JAZF1: variants seen among roughly 807,000 people sequenced by gnomAD.
JAZF1 encodes the protein juxtaposed with another zinc finger protein 1.
JAZF1 carries 8 observed loss-of-function variants against 26.4 expected under a neutral mutation model. The observed-to-expected ratio is 0.30, with a 90% CI of 0.18 to 0.55. The LOEUF is 0.55. JAZF1 is among the 20% of genes least tolerant of loss of function. JAZF1 has a pLI of 0.94. For missense variants in JAZF1, 199 were observed against 322.0 expected (o/e 0.62, Z 2.92); for synonymous variants, 126 against 122.3 (o/e 1.03, Z -0.20).
chr7:27,977,459 A>G (rs1785498071), intron 2 of JAZF1, among the ~76,000 whole-genome samples: 1 of 152,126 alleles, frequency 6.6e-6, no homozygotes, highest in Non-Finnish European at 1.5e-5. Context: ...CAAAGTCCTT[A>G]TTTCTAATTT....
chr7:27,873,206 C>A (rs1783616443), intron 3 of JAZF1, among the ~76,000 whole-genome samples: 4 of 152,282 alleles, frequency 2.6e-5, no homozygotes, highest in Admixed American at 2.6e-4. Context: ...TACTTCCACC[C>A]AGGCTAATGA....
At chr7:28,042,210 G>T (rs1783404617) in intron 1 of JAZF1, among the ~76,000 whole-genome samples, 1 of 152,250 alleles carries the variant, frequency 6.6e-6, no homozygotes, top group South Asian at 2.1e-4. Context: ...AAAGAGGCAA[G>T]GTGGAGTGTG....
intron 2 of JAZF1, among the ~76,000 whole-genome samples, chr7:27,924,309 C>A (rs1293905375): frequency 6.6e-6 from 1 of 152,158 alleles, no homozygotes; most frequent in African/African-American, 2.4e-5. Flanking sequence ...AACTCCTGAC[C>A]TCATGATCCA....
At chr7:28,128,166 G>A (rs1385727966) in intron 1 of JAZF1, among the ~76,000 whole-genome samples, 1 of 152,146 alleles carries the variant, frequency 6.6e-6, no homozygotes, top group African/African-American at 2.4e-5. Flanking sequence ...TATCTTCTAG[G>A]TCAGTGGTTC....
At chr7:27,962,002 TTACCTTATC>T (rs1253566344) in intron 2 of JAZF1, among the ~76,000 whole-genome samples, 3 of 152,190 alleles carry the variant, frequency 2.0e-5, no homozygotes, top group South Asian at 2.1e-4. Context: ...TTGAGCTCTG[TTACCTTATC>T]TATAAAATGA....
At chr7:27,955,171 A>G (rs776000871) in intron 2 of JAZF1, among the ~76,000 whole-genome samples, 2 of 152,228 alleles carry the variant, frequency 1.3e-5, no homozygotes, top group African/African-American at 2.4e-5. Flanking sequence ...AGTCTTTTAC[A>G]TGTTCAACAT....
chr7:28,012,906 G>C (rs1302748283), intron 1 of JAZF1, among the ~76,000 whole-genome samples: 2 of 152,182 alleles, frequency 1.3e-5, no homozygotes, highest in Non-Finnish European at 2.9e-5. Flanking sequence ...TTTGAAGAAA[G>C]TTTTGCAGAT....
chr7:28,096,801 A>T (rs894869920), intron 1 of JAZF1, among the ~76,000 whole-genome samples: 1 of 152,176 alleles, frequency 6.6e-6, no homozygotes, highest in Admixed American at 6.5e-5. Context: ...CTGACTGCAA[A>T]TGAAACACTG....
In JAZF1 at chr7:28,151,975, T is replaced by C. The variant is rs112759249; in HGVS notation, c.115+28488A>G. 2.4e-4 allele frequency among the ~76,000 whole-genome samples: 37 copies of C among 152,356 alleles called. 1 individual carries two copies. The highest frequency in any genetic ancestry group is 8.7e-4 in the African/African-American group (36 of 41,584). On this transcript the variant is annotated intron_variant, in intron 1 of 4. Transcript: ENST00000283928. Reference sequence around the variant, plus strand: ...TTAATAATTATTTTTCTTTCTACTTTAGTATATCTATCTCATTAGCATTTT... The same window carrying C: ...TTAATAATTATTTTTCTTTCTACTTCAGTATATCTATCTCATTAGCATTTT...
chr7:27,874,928 C>G lies in JAZF1; in HGVS notation c.385+20292G>C, dbSNP rs527575349. 2.5e-4 allele frequency among the ~76,000 whole-genome samples: 38 copies of G among 151,840 alleles called. No individual in the cohort carries two copies. In the South Asian group the frequency reaches 7.9e-3, roughly 32 times the overall value. On this transcript the variant is annotated intron_variant, in intron 3 of 4. Coordinates refer to ENST00000283928, the MANE Select transcript of JAZF1 (RefSeq NM_175061.4). Reference sequence around the variant, plus strand: ...ACCGGCAGTGCTGGAGCGCCGGGAGCTGCAGAAAAGACCCGAGGTCCAGGC... The same window carrying G: ...ACCGGCAGTGCTGGAGCGCCGGGAGGTGCAGAAAAGACCCGAGGTCCAGGC...
intron 3 of JAZF1, among the ~76,000 whole-genome samples, chr7:27,847,184 T>G (rs58365927): frequency 0.011 from 1,689 of 150,328 alleles, 36 homozygotes; most frequent in African/African-American, 0.039. Context: ...GAGACGGGGT[T>G]TCTCCATGTT....
At chr7:27,849,748 C>CACAGAA (rs1783104576) in intron 3 of JAZF1, among the ~76,000 whole-genome samples, 2 of 122,422 alleles carry the variant, frequency 1.6e-5, no homozygotes, top group Non-Finnish European at 3.3e-5. Flanking sequence ...AACCCTTACA[C>CACAGAA]ACAGACACAC....
At chr7:27,861,029 A>G (rs1421554051) in intron 3 of JAZF1, among the ~76,000 whole-genome samples, 4 of 152,158 alleles carry the variant, frequency 2.6e-5, no homozygotes, top group African/African-American at 9.7e-5. Flanking sequence ...TGCCTGTTCC[A>G]AGGTTCTGTG....
At chr7:28,049,902 T>C (rs1783581882) in intron 1 of JAZF1, among the ~76,000 whole-genome samples, 1 of 152,078 alleles carries the variant, frequency 6.6e-6, no homozygotes, top group Non-Finnish European at 1.5e-5. Context: ...CAGAGCCCCA[T>C]GCTTTAGGAA....
intron 1 of JAZF1, among the ~76,000 whole-genome samples, chr7:28,152,345 A>C (rs75466631): frequency 0.039 from 5,947 of 152,312 alleles, 354 homozygotes; most frequent in African/African-American, 0.13. Context: ...TATTTGGAAT[A>C]AATCAAAAGG....
intron 2 of JAZF1, among the ~76,000 whole-genome samples, chr7:27,913,958 T>C (rs1234890913): frequency 7.0e-6 from 1 of 142,868 alleles, no homozygotes; most frequent in East Asian, 1.9e-4. Flanking sequence ...TTGATGTGTT[T>C]CTTTATTTCC....
At chr7:27,984,875 G>A (rs1785667139) in intron 2 of JAZF1, among the ~76,000 whole-genome samples, 1 of 152,068 alleles carries the variant, frequency 6.6e-6, no homozygotes, top group South Asian at 2.1e-4. Context: ...ACAAAATGAA[G>A]GCAGAAATAA....
At chr7:27,966,109 C>T (rs1242193674) in intron 2 of JAZF1, among the ~76,000 whole-genome samples, 4 of 152,170 alleles carry the variant, frequency 2.6e-5, no homozygotes, top group Non-Finnish European at 5.9e-5. Flanking sequence ...TGCTGGCATC[C>T]CTTTTTAGCT....
At chr7:28,138,172 C>G (rs1782912965) in intron 1 of JAZF1, among the ~76,000 whole-genome samples, 1 of 152,098 alleles carries the variant, frequency 6.6e-6, no homozygotes, top group African/African-American at 2.4e-5. Context: ...GTATTTATTA[C>G]CAGAAGGGAA....
Sources: gnomAD v4.1 joint callset for allele counts (sites outside exome capture counted in the v4.1 genomes callset) on GRCh38, gnomAD v4.1.1 for gene constraint, MANE v1.5 for transcripts, NCBI Gene and HGNC (gene_info 2026-07-23, HGNC 2026-07-21) for gene names.